WDR49: variants seen among roughly 807,000 people sequenced by gnomAD.
WDR49 encodes the protein WD repeat domain 49, also known as cilia- and flagella-associated protein 337.
WDR49 carries 107 observed loss-of-function variants against 119.5 expected under a neutral mutation model. The ratio of observed to expected loss-of-function variants is 0.90; its 90% confidence interval spans 0.77 to 1.05. The LOEUF (loss-of-function observed/expected upper bound fraction) is 1.05, where lower values mean the gene tolerates loss of function less well. Among genes scored for constraint, WDR49 ranks in the 50% least tolerant of loss-of-function variants. The probability of loss-of-function intolerance (pLI) is 0.00; values close to 1 mark genes in which losing one functional copy is unlikely to be tolerated. For missense variants in WDR49, 1,240 were observed against 1,220.5 expected, an observed-to-expected ratio of 1.02 and a Z score of -0.24; for synonymous variants, 425 against 418.8, an observed-to-expected ratio of 1.01 and a Z score of -0.18.
At chr3:167,506,679 CA>C (rs1751781686) in intron 16 of WDR49, among the ~76,000 whole-genome samples, 1 of 152,136 alleles carries the variant, frequency 6.6e-6, no homozygotes, top group African/African-American at 2.4e-5. Context: ...ATAAAGAAAT[CA>C]ATATTGGTAC....
At chr3:167,524,536 T>C (rs1177696092) in intron 15 of WDR49, among the ~76,000 whole-genome samples, 1 of 152,188 alleles carries the variant, frequency 6.6e-6, no homozygotes, top group Non-Finnish European at 1.5e-5. Flanking sequence ...TTTATAGTTT[T>C]AGGTTTTACA....
At chr3:167,535,185 G>A (rs1295878723) in intron 11 of WDR49, among the ~76,000 whole-genome samples, 1 of 152,100 alleles carries the variant, frequency 6.6e-6, no homozygotes, top group African/African-American at 2.4e-5. Flanking sequence ...CCAGGCACAG[G>A]AGCTGATGAT....
chr3:167,505,042 T>C (rs1751713303), intron 17 of WDR49, among the ~76,000 whole-genome samples: 1 of 152,236 alleles, frequency 6.6e-6, no homozygotes, highest in Non-Finnish European at 1.5e-5. Flanking sequence ...ATACAGTTTC[T>C]GGCATTTTTT....
chr3:167,523,217 C>A (rs1417078616), intron 15 of WDR49, among the ~76,000 whole-genome samples: 2 of 151,896 alleles, frequency 1.3e-5, no homozygotes, highest in Admixed American at 6.6e-5. Flanking sequence ...CAAATAATAT[C>A]AATGAATGAA....
chr3:167,534,094 C>A (rs918328241), intron 11 of WDR49, among the ~76,000 whole-genome samples: 1 of 151,806 alleles, frequency 6.6e-6, no homozygotes, highest in Non-Finnish European at 1.5e-5. Flanking sequence ...ACTAGGGAGG[C>A]TGAGGCAGCA....
chr3:167,614,665 G>A (rs1716511490), intron 5 of WDR49, among the ~76,000 whole-genome samples: 1 of 152,144 alleles, frequency 6.6e-6, no homozygotes, highest in African/African-American at 2.4e-5. Context: ...TTATCTTAAA[G>A]CACTATGTTA....
chr3:167,555,659 T>C (rs948192393), intron 9 of WDR49, among the ~76,000 whole-genome samples: 6 of 152,102 alleles, frequency 3.9e-5, no homozygotes, highest in Non-Finnish European at 7.4e-5. Flanking sequence ...ACCCAACTGG[T>C]GTCCTCTGTA....
intron 2 of WDR49, among the ~76,000 whole-genome samples, chr3:167,629,155 G>T (rs1274312061): frequency 6.6e-6 from 1 of 152,070 alleles, no homozygotes; most frequent in Non-Finnish European, 1.5e-5. Flanking sequence ...GGGAAGCTGA[G>T]GTAGGGGTGT....
At chr3:167,491,250 A>G (rs1751121917) in intron 18 of WDR49, among the ~76,000 whole-genome samples, 1 of 152,094 alleles carries the variant, frequency 6.6e-6, no homozygotes, top group Admixed American at 6.6e-5. Flanking sequence ...GCAATGAGTG[A>G]TATTCATTTT....
chr3:167,583,634 C>T (rs1381039842), intron 7 of WDR49, among the ~76,000 whole-genome samples: 1 of 151,982 alleles, frequency 6.6e-6, no homozygotes, highest in Non-Finnish European at 1.5e-5. Flanking sequence ...GAAAAAGAAA[C>T]AAACTTAAAA....
At chr3:167,508,341 G>T (rs573845679) in intron 16 of WDR49, among the ~76,000 whole-genome samples, 88 of 152,266 alleles carry the variant, frequency 5.8e-4, no homozygotes, top group African/African-American at 2.1e-3. Flanking sequence ...GCCTGCATTT[G>T]TATCCCTAGT....
intron 2 of WDR49, 87 bp downstream of exon 2, chr3:167,653,174 A>T: frequency 7.1e-7 from 1 of 1,416,626 alleles, no homozygotes; most frequent in Non-Finnish European, 9.6e-7. Flanking sequence ...GTATTTTTTT[A>T]ATGCTTAAAG....
At chr3:167,587,322 T>C (rs1325799897) in intron 7 of WDR49, among the ~76,000 whole-genome samples, 1 of 152,128 alleles carries the variant, frequency 6.6e-6, no homozygotes, top group African/African-American at 2.4e-5. Context: ...TAAATCTAAC[T>C]AGGGCATCAT....
intron 17 of WDR49, among the ~76,000 whole-genome samples, chr3:167,503,293 G>A (rs1042729717): frequency 2.0e-5 from 3 of 152,212 alleles, no homozygotes; most frequent in African/African-American, 7.2e-5. Context: ...CTGCAGCAGG[G>A]CATAGCCCTC....
intron 7 of WDR49, among the ~76,000 whole-genome samples, chr3:167,581,247 T>C (rs1219930590): frequency 1.3e-5 from 2 of 152,298 alleles, no homozygotes; most frequent in East Asian, 3.9e-4. Context: ...GTTAACCTTA[T>C]AGGAATGCAA....
intron 10 of WDR49, among the ~76,000 whole-genome samples, chr3:167,543,090 C>A (rs890385493): frequency 6.6e-6 from 1 of 151,536 alleles, no homozygotes; most frequent in Non-Finnish European, 1.5e-5. Context: ...TTGATTAAAT[C>A]GGGAAGAAAT....
chr3:167,624,230 G>C (rs1275683217), intron 3 of WDR49, among the ~76,000 whole-genome samples: 1 of 151,608 alleles, frequency 6.6e-6, no homozygotes, highest in Admixed American at 6.6e-5. Flanking sequence ...AAAAATTACT[G>C]ATCATACCAA....
At chr3:167,620,277 T>A (rs1415408208) in intron 5 of WDR49, among the ~76,000 whole-genome samples, 152 bp downstream of exon 5, 2 of 152,134 alleles carry the variant, frequency 1.3e-5, no homozygotes, top group East Asian at 3.8e-4. Context: ...CCTGCCAGTA[T>A]TCAAGGGATA....
At chr3:167,572,492 A>G (rs1713990430) in intron 8 of WDR49, among the ~76,000 whole-genome samples, 1 of 152,258 alleles carries the variant, frequency 6.6e-6, no homozygotes, top group Non-Finnish European at 1.5e-5. Flanking sequence ...AATGTTCAAG[A>G]AAGACACCAA....
Sources: allele counts gnomAD v4.1 joint callset (sites outside exome capture counted in the v4.1 genomes callset), GRCh38; gene constraint gnomAD v4.1.1; transcripts MANE v1.5; gene names NCBI Gene and HGNC (gene_info 2026-07-23, HGNC 2026-07-21).